HOOK2: variants seen among roughly 807,000 people sequenced by gnomAD.
The protein encoded by HOOK2 is protein Hook homolog 2.
A neutral mutation model predicts 111.9 loss-of-function variants in HOOK2; 108 were observed. The observed-to-expected ratio is 0.96, with a 90% CI of 0.83 to 1.13. The LOEUF (loss-of-function observed/expected upper bound fraction) is 1.13. Ranked by LOEUF, HOOK2 falls within the 50% of genes most tolerant of loss-of-function variation. The pLI, the probability that HOOK2 is intolerant of heterozygous loss-of-function variation, is 0.00. For missense variants in HOOK2, 978 were observed against 951.3 expected (o/e 1.03, Z -0.37); for synonymous variants, 405 against 394.3 (o/e 1.03, Z -0.32).
intron 3 of HOOK2, 61 bp from the exon 4 acceptor site, chr19:12,773,105 C>T (rs1213146244): frequency 3.3e-6 from 5 of 1,493,694 alleles, no homozygotes; most frequent in Middle Eastern, 1.7e-4. Context: ...ATCTGTAGGT[C>T]CCATCCTCTC....
intron 7 of HOOK2, 127 bp from the exon 8 acceptor site, chr19:12,771,604 C>T (rs1195105571): frequency 5.0e-6 from 4 of 805,172 alleles, no homozygotes; most frequent in African/African-American, 1.7e-5. Flanking sequence ...GGGCTGGCGC[C>T]GGGTGCAGTG....
Position 12,771,012 on chromosome 19 carries a change from C to T in HOOK2, c.822G>A (p.Ala274=), listed in dbSNP as rs545818457. 19 of 1,612,908 alleles carry T rather than the reference C, an allele frequency of 1.2e-5. No homozygotes were observed. In the East Asian group the frequency reaches 1.3e-4, roughly 11 times the overall value. The change falls in exon 10 of 23, where the codon GCG becomes GCA. Residue 274 remains alanine (A), a synonymous_variant. Transcript: ENST00000397668. The part of the protein sequence containing the change: ...LRCAELEREV[A]ELQHRNQALT... Reference sequence around the variant, plus strand: ...GCGCCTGGTTCCGGTGCTGCAGCTCCGCAACCTCCCTCTCCAGCTCGGCAC... The same window carrying T: ...GCGCCTGGTTCCGGTGCTGCAGCTCTGCAACCTCCCTCTCCAGCTCGGCAC...
chr19:12,774,930 T>C (rs759733326), intron 1 of HOOK2, 33 bp from the exon 2 acceptor site: 1 of 1,593,876 alleles, frequency 6.3e-7, no homozygotes, highest in East Asian at 2.3e-5. Context: ...AGGAAAGAGT[T>C]AGGGCCTGGG....
intron 1 of HOOK2, 54 bp from the exon 2 acceptor site, chr19:12,774,951 C>T (rs1968451355): frequency 1.3e-6 from 2 of 1,525,430 alleles, no homozygotes; most frequent in Non-Finnish European, 9.0e-7. Flanking sequence ...AGCGCCGAAC[C>T]GCTCCCCTTT....
At chr19:12,777,463 G>T (rs944009454), upstream of HOOK2, among the ~76,000 whole-genome samples, 4 of 152,202 alleles carry the variant, frequency 2.6e-5, no homozygotes, top group Non-Finnish European at 5.9e-5. Context: ...CTGGACGTCA[G>T]GGGGGAGACC....
chr19:12,763,834 A>C (rs1968069407), intron 20 of HOOK2, 56 bp from the exon 21 acceptor site: 1 of 1,166,318 alleles, frequency 8.6e-7, no homozygotes, highest in Non-Finnish European at 1.3e-6. Context: ...CCCCTGGGAC[A>C]TACTGGGGTG....
At chr19:12,792,109 G>T (rs1284764179) in intron 3 of HOOK2, 8 of 1,599,748 alleles carry the variant, frequency 5.0e-6, no homozygotes, top group Non-Finnish European at 6.8e-6. Flanking sequence ...TTTTACCCCC[G>T]CGGGGGTGGC....
intron 6 of HOOK2, 88 bp downstream of exon 6, chr19:12,772,525 A>G: frequency 7.0e-7 from 1 of 1,430,864 alleles, no homozygotes; most frequent in Admixed American, 1.8e-5. Context: ...AGACCTTACC[A>G]GGGCAGGACC....
chr19:12,771,436 C>A lies in HOOK2; in HGVS notation c.561G>T (p.Gly187=). ...YYFLSEEAEE[G]DELQQRCLDL... is the part of the protein sequence containing the mutation. ...CCAGACAGCGCTGCTGTAATTCGTC[C>A]CCCTCCTCAGCCTCCTCACTTAGGA... The change falls in exon 8 of 23, where the codon GGG becomes GGT. Residue 187 remains glycine, a synonymous_variant. Transcript: ENST00000397668. 1 of 1,613,674 alleles carries A rather than the reference C, an allele frequency of 6.2e-7. No homozygotes were observed. The highest frequency in any genetic ancestry group is 8.5e-7 in the Non-Finnish European group (1 of 1,179,846).
chr19:12,767,194 G>A (rs538515450), intron 14 of HOOK2, among the ~76,000 whole-genome samples: 2 of 152,198 alleles, frequency 1.3e-5, no homozygotes, highest in Non-Finnish European at 2.9e-5. Flanking sequence ...TGTGTACTAA[G>A]GATAGACCCT....
upstream of HOOK2, among the ~76,000 whole-genome samples, chr19:12,776,510 T>G (rs1968516095): frequency 6.6e-6 from 1 of 150,996 alleles, no homozygotes; most frequent in South Asian, 2.1e-4. Context: ...TGAAACCCCG[T>G]CTCTACTAAA....
At chr19:12,773,198 C>T in intron 3 of HOOK2, 154 bp from the exon 4 acceptor site, 1 of 579,476 alleles carries the variant, frequency 1.7e-6, no homozygotes, top group Non-Finnish European at 3.0e-6. Flanking sequence ...GTCTGGCTGT[C>T]TGCCCCTTTT....
intron 3 of HOOK2, among the ~76,000 whole-genome samples, chr19:12,784,034 G>A (rs1300834381): frequency 6.7e-6 from 1 of 150,004 alleles, no homozygotes; most frequent in East Asian, 2.0e-4. Flanking sequence ...CCCCACCCCC[G>A]CCGCCCTGGA....
chr19:12,766,254 AGGAGAGAGCAGGGCCAG>A lies in HOOK2; in HGVS notation c.1374-31_1374-15del. On this transcript the variant is annotated splice_polypyrimidine_tract_variant and intron_variant, in intron 14 of 22. Transcript: ENST00000397668. ...AGGAGCGTCTCCCTGCAGACCCGGGAGGAGAGAGCAGGGCCAGGGTCGAGTCACCTCGCAGGCTCGCT... is the reference window on the plus strand; with the variant it reads ...AGGAGCGTCTCCCTGCAGACCCGGGAGGTCGAGTCACCTCGCAGGCTCGCT... The A allele has an allele frequency of 1.3e-6, 2 of 1,549,642 alleles. No homozygotes were observed. Among genetic ancestry groups the A allele is most frequent in the Non-Finnish European group, 1.7e-6 (2 of 1,153,610 alleles).
At chr19:12,785,437 CAG>C (rs35651632) in intron 3 of HOOK2, among the ~76,000 whole-genome samples, 4,489 of 151,874 alleles carry the variant, frequency 0.03, 109 homozygotes, top group African/African-American at 0.059. Context: ...CACACACAAA[CAG>C]ATCATATACA....
At chr19:12,778,298 A>AC (rs1167970276), upstream of HOOK2, 1 of 151,870 alleles carries the variant, frequency 6.6e-6, no homozygotes, top group Non-Finnish European at 1.5e-5. Context: ...GCAGTCACTC[A>AC]CCCCCAGACA....
intron 20 of HOOK2, chr19:12,764,423 G>A (rs914420172): frequency 4.9e-5 from 8 of 162,758 alleles, no homozygotes; most frequent in East Asian, 1.8e-4. Flanking sequence ...TCCGCCTCCC[G>A]GGTTCAAATG....
At chr19:12,773,715 CA>C (rs1177720530) in intron 3 of HOOK2, among the ~76,000 whole-genome samples, 7 of 152,172 alleles carry the variant, frequency 4.6e-5, no homozygotes, top group African/African-American at 1.7e-4. Context: ...TCCATGCAGC[CA>C]GGGGGAGCTT....
intron 3 of HOOK2, chr19:12,792,128 A>AGGTGCAGGG (rs1968726295): frequency 6.3e-7 from 1 of 1,599,154 alleles, no homozygotes; most frequent in Non-Finnish European, 8.5e-7. Context: ...GCAGCGGTGG[A>AGGTGCAGGG]GGTGCAGGGG....
Sources: allele counts gnomAD v4.1 joint callset (sites outside exome capture counted in the v4.1 genomes callset), GRCh38; gene constraint gnomAD v4.1.1; transcripts MANE v1.5; gene names NCBI Gene and HGNC (gene_info 2026-07-23, HGNC 2026-07-21).